The following GALP variants were observed in gnomAD, a reference collection of about 807,000 sequenced individuals.
GALP encodes galanin like peptide, also known as galanin-like peptide.
GALP carries 12 observed loss-of-function variants against 15.2 expected under a neutral mutation model. That is an observed-to-expected ratio of 0.79 (90% CI 0.51 to 1.28). GALP has a LOEUF of 1.28. Ranked by LOEUF, GALP falls within the 50% of genes most tolerant of loss-of-function variation. The probability of loss-of-function intolerance (pLI) is 0.00; values close to 1 mark genes in which losing one functional copy is unlikely to be tolerated. For synonymous variants in GALP, 58 were observed against 55.1 expected (o/e 1.05, Z -0.23); for missense variants, 161 against 145.6 (o/e 1.11, Z -0.55).
At chr19:56,181,251 TCA>T (rs1190446590) in intron 3 of GALP, among the ~76,000 whole-genome samples, 1 of 151,884 alleles carries the variant, frequency 6.6e-6, no homozygotes, top group Non-Finnish European at 1.5e-5. Flanking sequence ...TCCCTATGCC[TCA>T]GTTTCCTCAT....
At chr19:56,183,957 A>C (rs1714289081) in intron 5 of GALP, among the ~76,000 whole-genome samples, 1 of 150,478 alleles carries the variant, frequency 6.6e-6, no homozygotes, top group African/African-American at 2.5e-5. Context: ...TCCAGCATTC[A>C]TTCTATTTTT....
chr19:56,179,300 G>C (rs1404454653), intron 2 of GALP, among the ~76,000 whole-genome samples: 1 of 147,286 alleles, frequency 6.8e-6, no homozygotes, highest in Non-Finnish European at 1.5e-5. Context: ...GGCCTCAAGA[G>C]CCTCTTTCTT....
chr19:56,185,587 A>G lies in GALP; in HGVS notation c.*317A>G, dbSNP rs1259920660. On this transcript the variant is annotated 3_prime_UTR_variant, in exon 6 of 6. Coordinates refer to ENST00000357330, the MANE Select transcript of GALP (RefSeq NM_033106.4). ...ATTGTGTTCTTTTGGAATCATCCCA[A>G]TTATAACACGAGCTATTGCATAATA... The G allele has an allele frequency of 2.2e-5, 5 of 228,586 alleles. No individual in the cohort carries two copies. Among genetic ancestry groups the G allele is most frequent in the Non-Finnish European group, 4.2e-5 (5 of 118,670 alleles). 14.2% of individuals were successfully genotyped at this position (228,586 alleles called of 1,614,324 possible).
chr19:56,180,662 T>G (rs1056856309), intron 3 of GALP, 28 bp downstream of exon 3: 1 of 1,605,766 alleles, frequency 6.2e-7, no homozygotes. Context: ...CAGCTCTCCA[T>G]CCCTGGCCCG....
At chr19:56,184,514 C>T (rs1416809797) in intron 5 of GALP, among the ~76,000 whole-genome samples, 21 of 125,344 alleles carry the variant, frequency 1.7e-4, no homozygotes, top group African/African-American at 6.0e-4. Flanking sequence ...GACGGAGTCT[C>T]GCTCTGTCTC....
At chr19:56,179,349 C>T (rs2032522420) in intron 2 of GALP, among the ~76,000 whole-genome samples, 1 of 147,916 alleles carries the variant, frequency 6.8e-6, no homozygotes, top group African/African-American at 2.5e-5. Flanking sequence ...GCTCTGTGGC[C>T]CAGGCTAGAG....
At chr19:56,177,417 A>G (rs2032484083) in intron 2 of GALP, among the ~76,000 whole-genome samples, 1 of 151,244 alleles carries the variant, frequency 6.6e-6, no homozygotes, top group South Asian at 2.1e-4. Context: ...AGGCTGAGGC[A>G]GGAGAATCGC....
intron 3 of GALP, among the ~76,000 whole-genome samples, chr19:56,181,395 CTTTTTTTT>C (rs10656072): frequency 1.2e-5 from 1 of 81,314 alleles, no homozygotes; most frequent in Non-Finnish European, 2.2e-5. Flanking sequence ...TCTCTCTCTC[CTTTTTTTT>C]TTTTTTTTTT....
intron 2 of GALP, among the ~76,000 whole-genome samples, chr19:56,178,960 A>T (rs2032514590): frequency 6.6e-6 from 1 of 152,150 alleles, no homozygotes; most frequent in South Asian, 2.1e-4. Context: ...GGATCACCTG[A>T]GGTCAGGAGT....
chr19:56,176,171 C>T (rs2032454437), intron 1 of GALP, 109 bp downstream of exon 1: 1 of 165,630 alleles, frequency 6.0e-6, no homozygotes, highest in African/African-American at 2.5e-5. Context: ...GGGTGAGAGC[C>T]TAGGCCAGGA....
At chr19:56,181,438 T>G (rs1311418430) in intron 3 of GALP, among the ~76,000 whole-genome samples, 4 of 131,168 alleles carry the variant, frequency 3.0e-5, no homozygotes, top group African/African-American at 1.2e-4. Flanking sequence ...GAGTTTCGCC[T>G]TGTTATCTAG....
chr19:56,177,661 C>A (rs116124223), intron 2 of GALP, among the ~76,000 whole-genome samples: 1 of 152,134 alleles, frequency 6.6e-6, no homozygotes, highest in Non-Finnish European at 1.5e-5. Context: ...CAGTCTGGGA[C>A]GACACTTTGA....
intron 3 of GALP, 62 bp from the exon 4 acceptor site, chr19:56,182,110 G>T: frequency 1.7e-6 from 2 of 1,159,704 alleles, no homozygotes; most frequent in Admixed American, 1.7e-5. Context: ...ATTGATGGAC[G>T]ATGTGTTTCT....
Position 56,183,118 on chromosome 19 carries a change from T to C in GALP, c.218-17T>C, listed in dbSNP as rs368445767. On this transcript the variant is annotated splice_polypyrimidine_tract_variant and intron_variant, in intron 4 of 5. Coordinates refer to ENST00000357330, the MANE Select transcript of GALP (RefSeq NM_033106.4). Reference sequence around the variant, plus strand: ...TAACTACGAACGTGTGTGTGAATGTTGTATTTTTGTTTCTAGACGGGCTCC... The same window carrying C: ...TAACTACGAACGTGTGTGTGAATGTCGTATTTTTGTTTCTAGACGGGCTCC... The C allele has an allele frequency of 6.4e-7, 1 of 1,566,966 alleles. No individual in the cohort carries two copies. Among genetic ancestry groups the C allele is most frequent in the African/African-American group, 1.3e-5 (1 of 74,284 alleles).
intron 3 of GALP, among the ~76,000 whole-genome samples, chr19:56,180,911 C>CTT (rs751903988): frequency 2.4e-4 from 22 of 90,664 alleles, no homozygotes; most frequent in Non-Finnish European, 2.8e-4. Flanking sequence ...TTCTTTCTTT[C>CTT]TTTCTTTTTT....
chr19:56,177,476 A>T (rs1288573215), intron 2 of GALP, among the ~76,000 whole-genome samples: 1 of 146,238 alleles, frequency 6.8e-6, no homozygotes, highest in Non-Finnish European at 1.5e-5. Flanking sequence ...GTGCCACTGC[A>T]CTCCAGCCTG....
intron 2 of GALP, among the ~76,000 whole-genome samples, chr19:56,178,073 G>A (rs1001725838): frequency 6.6e-6 from 1 of 151,800 alleles, no homozygotes; most frequent in African/African-American, 2.4e-5. Context: ...AATGTAGAGG[G>A]TAATTACCTT....
At position 56,177,185 on chromosome 19, in the gene GALP, C is replaced by A; in HGVS notation, c.77C>A (p.Pro26His). Residue 26 changes from proline to histidine, a missense_variant, in exon 2 of 6, where the codon CCT becomes CAT. Physicochemically the swap from Pro to His is moderately conservative, Grantham distance 77. Coordinates refer to ENST00000357330, the MANE Select transcript of GALP (RefSeq NM_033106.4). ...CTGGCAGAGACTCCAGCATCCGCACCTGCCCACCGGGTAACGCCTCCCTAA... is the reference window on the plus strand; with the variant it reads ...CTGGCAGAGACTCCAGCATCCGCACATGCCCACCGGGTAACGCCTCCCTAA... ...LSLAETPASAPAHRGRGGWTL... is the reference protein window; with the variant it reads ...LSLAETPASAHAHRGRGGWTL... 6.2e-7 allele frequency: 1 copy of A among 1,613,458 alleles called. No individual in the cohort carries two copies. Among genetic ancestry groups the A allele is most frequent in the Non-Finnish European group, 8.5e-7 (1 of 1,179,724 alleles).
intron 4 of GALP, among the ~76,000 whole-genome samples, chr19:56,182,782 T>A (rs2032588651): frequency 6.6e-6 from 1 of 152,190 alleles, no homozygotes; most frequent in Non-Finnish European, 1.5e-5. Context: ...GGTCTTGAAT[T>A]CCTGACCTCA....
Sources: gnomAD v4.1 joint callset for allele counts (sites outside exome capture counted in the v4.1 genomes callset) on GRCh38, gnomAD v4.1.1 for gene constraint, MANE v1.5 for transcripts, NCBI Gene and HGNC (gene_info 2026-07-23, HGNC 2026-07-21) for gene names.